The following ZNF131 variants were observed in gnomAD, a reference collection of about 807,000 sequenced individuals.
The protein encoded by ZNF131 is zinc finger protein 131.
Under a neutral mutation model 60.0 loss-of-function variants are expected in ZNF131, and 7 were observed. That is an observed-to-expected ratio of 0.12 (90% CI 0.07 to 0.22). The LOEUF is 0.22. Ranked by LOEUF, ZNF131 falls within the 10% of genes least tolerant of loss-of-function variation. The pLI, the probability that ZNF131 is intolerant of heterozygous loss-of-function variation, is 1.00. For synonymous variants in ZNF131, 257 were observed against 253.2 expected, an observed-to-expected ratio of 1.01 and a Z score of -0.14; for missense variants, 493 against 740.9, an observed-to-expected ratio of 0.67 and a Z score of 3.88.
chr5:43,142,423 C>T (rs1746968476), intron 4 of ZNF131, among the ~76,000 whole-genome samples: 1 of 150,578 alleles, frequency 6.6e-6, no homozygotes, highest in Non-Finnish European at 1.5e-5. Context: ...TCTGCCTCAG[C>T]CTCCCGAGTA....
rs902969105 is a variant in ZNF131 at position 43,173,218 on chromosome 5, T to C, written c.1055-100T>C. 10 of 1,191,784 alleles carry C rather than the reference T, an allele frequency of 8.4e-6. No homozygotes were observed. The Admixed American group carries it at 1.2e-4, about 14-fold the overall frequency. The allele number at this position is 1,191,784 out of a possible 1,614,324, so 73.8% of individuals were successfully genotyped here. ...ATTGTGATTTCTCCTTTTAGGAATT[T>C]AGTATTAAAATTACCCAAAAAGAAA... On this transcript the variant is annotated intron_variant, in intron 5 of 6. Transcript: ENST00000682664.
chr5:43,139,681 G>A (rs1163531207), intron 4 of ZNF131, among the ~76,000 whole-genome samples: 2 of 152,018 alleles, frequency 1.3e-5, no homozygotes, highest in South Asian at 2.1e-4. Context: ...TTAAAAATAA[G>A]GAAATAGATG....
chr5:43,168,940 G>T (rs772349834), intron 5 of ZNF131, among the ~76,000 whole-genome samples: 2 of 152,150 alleles, frequency 1.3e-5, no homozygotes, highest in African/African-American at 2.4e-5. Flanking sequence ...AAAAAAATAC[G>T]TAGATGAGTA....
intron 4 of ZNF131, 121 bp from the exon 5 acceptor site, chr5:43,161,128 G>A: frequency 1.2e-6 from 1 of 838,990 alleles, no homozygotes; most frequent in East Asian, 2.5e-5. Context: ...GGTAGGATAA[G>A]CCCTGCAGTC....
intron 4 of ZNF131, among the ~76,000 whole-genome samples, chr5:43,156,134 A>G (rs1748934531): frequency 6.6e-6 from 1 of 152,196 alleles, no homozygotes; most frequent in Non-Finnish European, 1.5e-5. Context: ...ATACATTCAC[A>G]TGTTGAAGCA....
At chr5:43,130,874 T>C (rs1184595202) in intron 3 of ZNF131, among the ~76,000 whole-genome samples, 1 of 150,082 alleles carries the variant, frequency 6.7e-6, no homozygotes, top group Non-Finnish European at 1.5e-5. Context: ...CTCTTTTGTT[T>C]GTTTTTTGAG....
chr5:43,132,813 A>G lies in ZNF131; in HGVS notation c.227-6352A>G, dbSNP rs188829230. Among the ~76,000 whole-genome samples the G allele has an allele frequency of 1.3e-3, 192 of 152,206 alleles. 1 individual carries two copies. The highest frequency in any genetic ancestry group is 1.7e-3 in the Non-Finnish European group (116 of 67,974). On this transcript the variant is annotated intron_variant, in intron 3 of 6. Transcript: ENST00000682664. ...CAGGCATGAGCCACTGCGCCCAGCC[A>G]GGAACGTTTCTTTACACAAATAGAG...
At chr5:43,138,885 G>C (rs962549649) in intron 3 of ZNF131, among the ~76,000 whole-genome samples, 1 of 152,122 alleles carries the variant, frequency 6.6e-6, no homozygotes, top group South Asian at 2.1e-4. Flanking sequence ...AAGAAATGTA[G>C]CATGTCTGAC....
At chr5:43,125,332 C>T (rs1444195655) in intron 3 of ZNF131, among the ~76,000 whole-genome samples, 2 of 151,236 alleles carry the variant, frequency 1.3e-5, no homozygotes, top group Admixed American at 1.3e-4. Context: ...TAGATTTTAG[C>T]TCTTGTTACC....
At chr5:43,143,092 G>A (rs1414268426) in intron 4 of ZNF131, among the ~76,000 whole-genome samples, 3 of 148,726 alleles carry the variant, frequency 2.0e-5, no homozygotes, top group African/African-American at 5.0e-5. Flanking sequence ...GCGTGATCTC[G>A]GCTCACTGCA....
intron 3 of ZNF131, chr5:43,124,328 T>A (rs533050664): frequency 1.3e-5 from 2 of 152,224 alleles, no homozygotes; most frequent in African/African-American, 4.8e-5. Context: ...TACAGAATTT[T>A]AGCTTCTTTT....
chr5:43,175,719 T>TTA lies in ZNF131; in HGVS notation c.*586_*587insTA, dbSNP rs770240391. 7 of 226,046 alleles carry TTA rather than the reference T, an allele frequency of 3.1e-5. No homozygotes were observed. Among genetic ancestry groups the TTA allele is most frequent in the Non-Finnish European group, 5.8e-5 (7 of 120,412 alleles). 14.0% of individuals were successfully genotyped at this position (226,046 alleles called of 1,614,324 possible). On this transcript the variant is annotated 3_prime_UTR_variant, in exon 7 of 7. Transcript: ENST00000682664. ...GGTGGTGGCAAAATTTCTAGAATGT[T>TTA]AAAAAAAAAAAAAAATCCACACCCA...
chr5:43,137,310 A>T (rs1000913893), intron 3 of ZNF131, among the ~76,000 whole-genome samples: 2 of 152,220 alleles, frequency 1.3e-5, no homozygotes, highest in Non-Finnish European at 2.9e-5. Context: ...CAAATAAATG[A>T]TAAGGAATGA....
rs143366839 is a variant in ZNF131, at chr5:43,173,891, A to G, written c.1185+443A>G. On this transcript the variant is annotated intron_variant, in intron 6 of 6. Coordinates refer to ENST00000682664, the MANE Select transcript of ZNF131 (RefSeq NM_001330707.2). ...ATATTGTTATGTTTCTAGAATTTATATGATGCTTAAACAATGAAGGCAGTA... is the reference window on the plus strand; with the variant it reads ...ATATTGTTATGTTTCTAGAATTTATGTGATGCTTAAACAATGAAGGCAGTA... 5.4e-3 allele frequency among the ~76,000 whole-genome samples: 821 copies of G among 152,304 alleles called. 3 individuals are homozygous for G. The highest frequency in any genetic ancestry group is 0.019 in the African/African-American group (771 of 41,562).
Position 43,175,214 on chromosome 5 carries a change from C to A in ZNF131, c.*81C>A. On this transcript the variant is annotated 3_prime_UTR_variant, in exon 7 of 7. Coordinates refer to ENST00000682664, the MANE Select transcript of ZNF131 (RefSeq NM_001330707.2). ...GGCAGTTTGACTGTCCTTAATTAAGCCTAACAGACAAGTGGACCAAAGTTA... is the reference window on the plus strand; with the variant it reads ...GGCAGTTTGACTGTCCTTAATTAAGACTAACAGACAAGTGGACCAAAGTTA... 2 of 1,383,790 alleles carry A rather than the reference C, an allele frequency of 1.4e-6. No homozygotes were observed. Among genetic ancestry groups the A allele is most frequent in the Non-Finnish European group, 1.9e-6 (2 of 1,033,694 alleles). 85.7% of individuals were successfully genotyped at this position (1,383,790 alleles called of 1,614,324 possible).
chr5:43,158,290 T>C (rs1159022432), intron 4 of ZNF131, among the ~76,000 whole-genome samples: 2 of 151,420 alleles, frequency 1.3e-5, no homozygotes, highest in East Asian at 2.0e-4. Context: ...TTTTGTTTTG[T>C]TTTTGTTTTT....
chr5:43,154,039 CAT>C (rs1454116129), intron 4 of ZNF131, among the ~76,000 whole-genome samples: 5 of 152,072 alleles, frequency 3.3e-5, no homozygotes, highest in Non-Finnish European at 7.4e-5. Context: ...GAACATAAGA[CAT>C]AGATTAGTTT....
At chr5:43,170,799 ATT>A (rs10710400) in intron 5 of ZNF131, among the ~76,000 whole-genome samples, 309 of 138,556 alleles carry the variant, frequency 2.2e-3, no homozygotes, top group Admixed American at 3.6e-3. Context: ...TGCCCAGCTA[ATT>A]TTTTTTTTTT....
chr5:43,150,832 A>G lies in ZNF131; in HGVS notation c.372-10417A>G, dbSNP rs76841011. Reference sequence around the variant, plus strand: ...ACCTAATCCATTCAGTTTTTCTCCTACTGGATTTATTTAAGGATTTATTGA... The same window carrying G: ...ACCTAATCCATTCAGTTTTTCTCCTGCTGGATTTATTTAAGGATTTATTGA... On this transcript the variant is annotated intron_variant, in intron 4 of 6. Coordinates refer to ENST00000682664, the MANE Select transcript of ZNF131 (RefSeq NM_001330707.2). Among the ~76,000 whole-genome samples, 465 of 152,286 alleles carry G rather than the reference A, an allele frequency of 3.1e-3. 3 individuals are homozygous for G. The highest frequency in any genetic ancestry group is 0.011 in the African/African-American group (441 of 41,556).
Sources: gnomAD v4.1 joint callset for allele counts (sites outside exome capture counted in the v4.1 genomes callset) on GRCh38, gnomAD v4.1.1 for gene constraint, MANE v1.5 for transcripts, NCBI Gene and HGNC (gene_info 2026-07-23, HGNC 2026-07-21) for gene names.